CPQ: variants seen among roughly 807,000 people sequenced by gnomAD.
The protein encoded by CPQ is Ser-Met dipeptidase.
CPQ carries 37 observed loss-of-function variants against 45.7 expected under a neutral mutation model. The observed-to-expected ratio is 0.81, with a 90% CI of 0.62 to 1.07. The LOEUF (loss-of-function observed/expected upper bound fraction) is 1.07. CPQ is among the 50% of genes least tolerant of loss of function. The pLI is 0.00. For missense variants in CPQ, 537 were observed against 572.9 expected (o/e 0.94, Z 0.64); for synonymous variants, 186 against 205.8 (o/e 0.90, Z 0.82).
chr8:96,881,200 G>A (rs10099210), intron 4 of CPQ, among the ~76,000 whole-genome samples: 58,103 of 151,990 alleles, frequency 0.38, 11,764 homozygotes, highest in Non-Finnish European at 0.46. Flanking sequence ...AAATACCTAA[G>A]ACTGGGTAAT....
At chr8:96,735,722 A>C (rs1809973691) in intron 1 of CPQ, among the ~76,000 whole-genome samples, 1 of 152,172 alleles carries the variant, frequency 6.6e-6, no homozygotes, top group Admixed American at 6.5e-5. Flanking sequence ...ACCCATCTGC[A>C]GACAGGCCTT....
intron 2 of CPQ, among the ~76,000 whole-genome samples, chr8:96,813,991 T>C (rs968753385): frequency 3.1e-5 from 3 of 96,964 alleles, no homozygotes; most frequent in African/African-American, 9.7e-5. Context: ...TATATATACA[T>C]ATATATACAC....
At chr8:96,871,919 T>A (rs1321684087) in intron 3 of CPQ, among the ~76,000 whole-genome samples, 1 of 151,922 alleles carries the variant, frequency 6.6e-6, no homozygotes, top group African/African-American at 2.4e-5. Flanking sequence ...TATTTTTTCT[T>A]TTTTTACGAT....
chr8:96,934,296 G>A (rs1813015559), intron 4 of CPQ, among the ~76,000 whole-genome samples: 1 of 152,206 alleles, frequency 6.6e-6, no homozygotes, highest in South Asian at 2.1e-4. Flanking sequence ...ACTGTGTGTT[G>A]CTATGGCATG....
intron 6 of CPQ, among the ~76,000 whole-genome samples, chr8:97,046,839 G>A (rs563620508): frequency 3.3e-5 from 5 of 152,304 alleles, no homozygotes; most frequent in Admixed American, 2.0e-4. Context: ...CAAATGAGAG[G>A]CAATCAAACT....
At chr8:96,999,286 C>A (rs2130421448) in intron 5 of CPQ, among the ~76,000 whole-genome samples, 1 of 150,994 alleles carries the variant, frequency 6.6e-6, no homozygotes, top group African/African-American at 2.4e-5. Context: ...AGGTTTGTTA[C>A]CTAAGTAAAC....
At chr8:97,059,318 A>G (rs183006143) in intron 6 of CPQ, among the ~76,000 whole-genome samples, 1 of 152,146 alleles carries the variant, frequency 6.6e-6, no homozygotes, top group Non-Finnish European at 1.5e-5. Context: ...CAAGATGGTT[A>G]GATCCACAGA....
intron 7 of CPQ, among the ~76,000 whole-genome samples, chr8:97,076,783 CT>C (rs1358632260): frequency 5.3e-5 from 8 of 152,140 alleles, no homozygotes; most frequent in Admixed American, 2.0e-4. Context: ...AATTATCTCC[CT>C]TTTTATGACA....
chr8:97,098,340 A>G (rs1381794272), intron 7 of CPQ, among the ~76,000 whole-genome samples: 1 of 152,068 alleles, frequency 6.6e-6, no homozygotes, highest in Non-Finnish European at 1.5e-5. Flanking sequence ...GGGGTCCTCT[A>G]CTACTGTGGC....
intron 3 of CPQ, among the ~76,000 whole-genome samples, chr8:96,868,799 A>T (rs746759614): frequency 3.3e-5 from 5 of 151,900 alleles, no homozygotes; most frequent in Non-Finnish European, 4.4e-5. Flanking sequence ...AAAAATTTTC[A>T]TGTTTTTCCT....
At chr8:96,842,808 G>A (rs1811630221) in intron 3 of CPQ, among the ~76,000 whole-genome samples, 1 of 152,150 alleles carries the variant, frequency 6.6e-6, no homozygotes, top group African/African-American at 2.4e-5. Flanking sequence ...CTTGCCAGAT[G>A]TGCCTCATTG....
chr8:96,940,330 C>T (rs775615448), intron 4 of CPQ, among the ~76,000 whole-genome samples: 3 of 152,098 alleles, frequency 2.0e-5, no homozygotes, highest in Non-Finnish European at 2.9e-5. Flanking sequence ...AGTTAGCTCA[C>T]ATACAAAAAG....
At chr8:96,984,201 C>G (rs185735467) in intron 5 of CPQ, among the ~76,000 whole-genome samples, 1 of 152,190 alleles carries the variant, frequency 6.6e-6, no homozygotes, top group East Asian at 1.9e-4. Flanking sequence ...ATATCCCCTT[C>G]CATCATATAT....
intron 4 of CPQ, among the ~76,000 whole-genome samples, chr8:96,906,564 A>G (rs11777415): frequency 3.3e-5 from 5 of 152,312 alleles, no homozygotes; most frequent in Middle Eastern, 3.4e-3. Flanking sequence ...CACCAACTAC[A>G]TAGCTTATAT....
At chr8:96,646,756 T>A (rs749808737) in intron 1 of CPQ, among the ~76,000 whole-genome samples, 3 of 152,226 alleles carry the variant, frequency 2.0e-5, no homozygotes, top group Non-Finnish European at 4.4e-5. Context: ...GATTCTTTTG[T>A]ATCAGGGTTA....
rs533553431 is a variant in CPQ at position 96,669,520 on chromosome 8, A to G, written c.-35+24118A>G. 2.0e-4 allele frequency among the ~76,000 whole-genome samples: 31 copies of G among 152,356 alleles called. No homozygotes were observed. The East Asian group carries it at 5.6e-3, about 28-fold the overall frequency. On this transcript the variant is annotated intron_variant, in intron 1 of 7. Coordinates refer to ENST00000220763, the MANE Select transcript of CPQ (RefSeq NM_016134.4). ...TGGATGTGGAGTCTCATAACATAATATAAATATCTGGGTTTCAATTGAAAA... is the reference window on the plus strand; with the variant it reads ...TGGATGTGGAGTCTCATAACATAATGTAAATATCTGGGTTTCAATTGAAAA...
chr8:96,846,939 A>G (rs1477395023), intron 3 of CPQ, among the ~76,000 whole-genome samples: 1 of 152,156 alleles, frequency 6.6e-6, no homozygotes, highest in African/African-American at 2.4e-5. Flanking sequence ...AACATTTTCA[A>G]AGAATATAAG....
At chr8:96,734,736 T>A (rs200684771) in intron 1 of CPQ, among the ~76,000 whole-genome samples, 41 of 60,490 alleles carry the variant, frequency 6.8e-4, no homozygotes, top group Middle Eastern at 0.011. Flanking sequence ...TAAAATAAAA[T>A]AAATAAAATA....
chr8:96,877,995 C>T (rs754449795), intron 3 of CPQ, among the ~76,000 whole-genome samples: 2 of 152,130 alleles, frequency 1.3e-5, no homozygotes, highest in Non-Finnish European at 2.9e-5. Context: ...CGGAGTCTCG[C>T]TCTGTCGCCC....
Sources: allele counts gnomAD v4.1 joint callset (sites outside exome capture counted in the v4.1 genomes callset), GRCh38; gene constraint gnomAD v4.1.1; transcripts MANE v1.5; gene names NCBI Gene and HGNC (gene_info 2026-07-23, HGNC 2026-07-21).